Variants in IQGAP2 observed in about 807,000 individuals in gnomAD.
The protein encoded by IQGAP2 is ras GTPase-activating-like protein IQGAP2.
In IQGAP2, 173 loss-of-function variants were observed where a neutral mutation model predicts 201.3. The observed-to-expected ratio is 0.86, with a 90% confidence interval of 0.76 to 0.98. The LOEUF is 0.98. Among genes scored for constraint, IQGAP2 ranks in the 50% least tolerant of loss-of-function variants. The pLI is 0.00. For missense variants in IQGAP2, 1,687 were observed against 1,864.8 expected, an observed-to-expected ratio of 0.90 and a Z score of 1.76; for synonymous variants, 675 against 673.9, an observed-to-expected ratio of 1.00 and a Z score of -0.03.
intron 19 of IQGAP2, 146 bp from the exon 20 acceptor site, chr5:76,654,788 T>C (rs779776557): frequency 8.7e-6 from 5 of 571,710 alleles, no homozygotes; most frequent in Non-Finnish European, 1.2e-5. Context: ...AATGGAAAAA[T>C]AAATGTTGAA....
rs1459563152 is a variant in IQGAP2, at chr5:76,590,400, C to A, written c.641-8C>A. On this transcript the variant is annotated splice_region_variant and splice_polypyrimidine_tract_variant and intron_variant, in intron 7 of 35. Coordinates refer to ENST00000274364, the MANE Select transcript of IQGAP2 (RefSeq NM_006633.5). Reference sequence around the variant, plus strand: ...AAACCTTTTTCTCTCTCTCTCTTTACTTTTTAGTACATGCTGCAGTTATAG... The same window carrying A: ...AAACCTTTTTCTCTCTCTCTCTTTAATTTTTAGTACATGCTGCAGTTATAG... The A allele has an allele frequency of 1.3e-6, 2 of 1,578,562 alleles. No individual in the cohort carries two copies. Among genetic ancestry groups the A allele is most frequent in the Non-Finnish European group, 1.7e-6 (2 of 1,162,310 alleles).
Position 76,602,457 on chromosome 5 carries a change from T to C in IQGAP2, c.1232+1485T>C, listed in dbSNP as rs559802138. On this transcript the variant is annotated intron_variant, in intron 11 of 35. Transcript: ENST00000274364. The stretch of plus-strand genomic sequence containing the variant: ...AAATGCCTGCTTCTTCATTTACAAA[T>C]ACCCTTAAAGAAGTGGTCCCATTCT... Among the ~76,000 whole-genome samples the C allele has an allele frequency of 1.2e-4, 19 of 152,332 alleles. No homozygotes were observed. The East Asian group carries it at 3.7e-3, about 29-fold the overall frequency.
At chr5:76,545,229 G>A (rs1165180453) in intron 2 of IQGAP2, among the ~76,000 whole-genome samples, 1 of 152,160 alleles carries the variant, frequency 6.6e-6, no homozygotes, top group East Asian at 1.9e-4. Context: ...ATTAGAAATG[G>A]ACCGAACAGA....
chr5:76,585,415 G>T (rs1190355068), intron 5 of IQGAP2, among the ~76,000 whole-genome samples: 4 of 152,080 alleles, frequency 2.6e-5, no homozygotes, highest in Non-Finnish European at 4.4e-5. Flanking sequence ...TTTGTAAAAA[G>T]AGGAGGAAAG....
chr5:76,601,954 A>G lies in IQGAP2; in HGVS notation c.1232+982A>G, dbSNP rs545083176. On this transcript the variant is annotated intron_variant, in intron 11 of 35. Transcript: ENST00000274364. ...TATGACTCCTTAGAGTGTGTTTCCA[A>G]GGTAATTTATATCTACCACCACTGT... Among the ~76,000 whole-genome samples the G allele has an allele frequency of 5.3e-5, 8 of 152,288 alleles. No homozygotes were observed. In the South Asian group the frequency reaches 8.3e-4, roughly 16 times the overall value.
intron 9 of IQGAP2, among the ~76,000 whole-genome samples, chr5:76,596,807 T>G (rs1384108418): frequency 6.6e-6 from 1 of 152,148 alleles, no homozygotes; most frequent in African/African-American, 2.4e-5. Flanking sequence ...CCTCCAACAT[T>G]GGGGATTATA....
At chr5:76,535,808 T>C (rs1759589632) in intron 2 of IQGAP2, among the ~76,000 whole-genome samples, 6 of 152,172 alleles carry the variant, frequency 3.9e-5, no homozygotes, top group Admixed American at 3.9e-4. Context: ...GTTCTTTAAC[T>C]CAAAGGCTTT....
At chr5:76,604,797 G>T (rs1747686387) in intron 11 of IQGAP2, among the ~76,000 whole-genome samples, 2 of 152,144 alleles carry the variant, frequency 1.3e-5, no homozygotes, top group Admixed American at 1.3e-4. Context: ...ACTTGGCGAG[G>T]CCTCATTCAG....
chr5:76,597,698 A>T (rs1747137364), intron 10 of IQGAP2, 96 bp downstream of exon 10: 1 of 1,312,144 alleles, frequency 7.6e-7, no homozygotes, highest in East Asian at 2.3e-5. Context: ...GGGATCGGGG[A>T]TCTCTAATTT....
intron 16 of IQGAP2, among the ~76,000 whole-genome samples, chr5:76,638,543 T>C (rs913188761): frequency 5.3e-5 from 8 of 151,916 alleles, no homozygotes; most frequent in African/African-American, 1.9e-4. Context: ...GCAATTTTTA[T>C]ATATATAGGA....
chr5:76,703,667 A>G (rs1388834864), intron 35 of IQGAP2, among the ~76,000 whole-genome samples: 20 of 151,658 alleles, frequency 1.3e-4, no homozygotes, highest in African/African-American at 2.9e-4. Context: ...AAAAAAAAAA[A>G]AGAGAGCACT....
intron 2 of IQGAP2, among the ~76,000 whole-genome samples, chr5:76,504,696 C>T (rs532659556): frequency 6.6e-5 from 10 of 152,278 alleles, no homozygotes; most frequent in South Asian, 2.1e-4. Flanking sequence ...AGCCTTCCCC[C>T]GACAACAAAA....
chr5:76,477,163 T>C (rs987011296), intron 2 of IQGAP2, among the ~76,000 whole-genome samples: 9 of 151,792 alleles, frequency 5.9e-5, no homozygotes, highest in Non-Finnish European at 1.0e-4. Context: ...GGTGAAACCC[T>C]GTCTCTGCAC....
chr5:76,684,855 A>T (rs1383980421), intron 30 of IQGAP2, among the ~76,000 whole-genome samples: 1 of 151,320 alleles, frequency 6.6e-6, no homozygotes, highest in Non-Finnish European at 1.5e-5. Flanking sequence ...TTTTTTTTTT[A>T]AACATTCAAT....
intron 2 of IQGAP2, among the ~76,000 whole-genome samples, chr5:76,477,018 A>G (rs1755475573): frequency 6.6e-6 from 1 of 152,220 alleles, no homozygotes; most frequent in South Asian, 2.1e-4. Flanking sequence ...AATGCTGGTC[A>G]TGAACCACTG....
chr5:76,683,692 C>A, intron 29 of IQGAP2, 84 bp from the exon 30 acceptor site: 1 of 1,303,318 alleles, frequency 7.7e-7, no homozygotes, highest in Non-Finnish European at 1.0e-6. Context: ...GCCTATCTTT[C>A]CCACAGAACC....
chr5:76,434,110 T>C (rs761655519), intron 1 of IQGAP2, among the ~76,000 whole-genome samples: 1 of 152,198 alleles, frequency 6.6e-6, no homozygotes, highest in Non-Finnish European at 1.5e-5. Flanking sequence ...CCGTATTCTC[T>C]AGGCTTGGTT....
chr5:76,475,308 A>G (rs918445399), intron 2 of IQGAP2, among the ~76,000 whole-genome samples: 1 of 152,176 alleles, frequency 6.6e-6, no homozygotes, highest in African/African-American at 2.4e-5. Context: ...TTCTTTGCAG[A>G]GCCAATAAGC....
intron 15 of IQGAP2, among the ~76,000 whole-genome samples, chr5:76,632,427 A>C (rs1750786012): frequency 6.6e-6 from 1 of 152,180 alleles, no homozygotes; most frequent in South Asian, 2.1e-4. Context: ...AATAAAGTAC[A>C]ATGAGCCAGC....
Sources: gnomAD v4.1 joint callset for allele counts (sites outside exome capture counted in the v4.1 genomes callset) on GRCh38, gnomAD v4.1.1 for gene constraint, MANE v1.5 for transcripts, NCBI Gene and HGNC (gene_info 2026-07-23, HGNC 2026-07-21) for gene names.